The following PRAMEF14 variants were observed in gnomAD, a reference collection of about 807,000 sequenced individuals.
PRAMEF14 encodes PRAME family member 14.
In PRAMEF14, 24 loss-of-function variants were observed where a neutral mutation model predicts 38.3. The observed-to-expected ratio is 0.63, with a 90% CI of 0.45 to 0.88. The LOEUF (loss-of-function observed/expected upper bound fraction) is 0.88. PRAMEF14 is among the 40% of genes least tolerant of loss of function. The pLI is 0.00. For synonymous variants in PRAMEF14, 194 were observed against 226.4 expected (o/e 0.86, Z 1.29); for missense variants, 477 against 570.8 (o/e 0.84, Z 1.67).
In PRAMEF14 at chr1:13,344,924, A is replaced by G. The variant is rs1640381471; in HGVS notation, c.287+104T>C. The G allele has an allele frequency of 1.2e-5, 18 of 1,548,848 alleles. No homozygotes were observed. In the South Asian group the frequency reaches 1.8e-4, roughly 15 times the overall value. On this transcript the variant is annotated intron_variant, in intron 2 of 3. Coordinates refer to ENST00000334600, the MANE Select transcript of PRAMEF14 (RefSeq NM_001024661.2). ...CTCCCTGATCTTCCTCGCCAACACC[A>G]TCAGAAGACTCTGGGCCACACTTGG...
In PRAMEF14 at chr1:13,344,273, C is replaced by A; in HGVS notation, c.631G>T (p.Glu211Ter). The A allele has an allele frequency of 1.2e-6, 2 of 1,606,010 alleles. No individual in the cohort carries two copies. The highest frequency in any genetic ancestry group is 1.7e-6 in the Non-Finnish European group (2 of 1,176,994). Residue 211 changes from glutamate to a stop codon, truncating the protein, a stop_gained, in exon 3 of 4, where the codon GAA (glutamate) becomes TAA (stop). Coordinates refer to ENST00000334600, the MANE Select transcript of PRAMEF14 (RefSeq NM_001024661.2). LOFTEE classifies it high-confidence loss of function. ...IIYLNSIQQL[E>*]IRNMSWPRLI... The stretch of plus-strand genomic sequence containing the variant: ...CGTGGCCAGGACATGTTGCGAATTT[C>A]CAGCTGTTGAATACTATTCAGGTAT...
chr1:13,343,850 A>C (rs1266556906), intron 3 of PRAMEF14, 188 bp downstream of exon 3: 1 of 1,502,750 alleles, frequency 6.7e-7, no homozygotes, highest in Non-Finnish European at 8.9e-7. Context: ...CTCTGCCCTT[A>C]TTGGAGCGTT....
chr1:13,343,975 G>C, intron 3 of PRAMEF14, 63 bp downstream of exon 3: 2 of 1,602,010 alleles, frequency 1.2e-6, no homozygotes, highest in Non-Finnish European at 1.7e-6. Context: ...GCCTTCTAAT[G>C]TTTGCTGTAA....
intron 1 of PRAMEF14, among the ~76,000 whole-genome samples, chr1:13,346,196 T>C (rs1191981298): frequency 1.3e-5 from 2 of 150,646 alleles, no homozygotes; most frequent in African/African-American, 2.4e-5. Context: ...TCCACAGCAT[T>C]TGGAAGGTAT....
intron 2 of PRAMEF14, 84 bp downstream of exon 2, chr1:13,344,944 A>G (rs1287242392): frequency 6.6e-7 from 1 of 1,523,252 alleles, no homozygotes; most frequent in Non-Finnish European, 9.0e-7. Context: ...TCTGGGCCAC[A>G]CTTGGGCTAC....
chr1:13,344,925 T>C (rs1437993818), intron 2 of PRAMEF14, 103 bp downstream of exon 2: 19 of 1,548,538 alleles, frequency 1.2e-5, no homozygotes, highest in Non-Finnish European at 1.7e-5. Flanking sequence ...GCCAACACCA[T>C]CAGAAGACTC....
chr1:13,346,105 A>C (rs1640400527), intron 1 of PRAMEF14, among the ~76,000 whole-genome samples: 1 of 151,090 alleles, frequency 6.6e-6, no homozygotes, highest in African/African-American at 2.4e-5. Context: ...CCTGCACTCC[A>C]GTCTGGGTGA....
chr1:13,342,659 G>A lies in PRAMEF14; in HGVS notation c.1294C>T (p.Leu432=), dbSNP rs547328194. The A allele has an allele frequency of 1.2e-6, 2 of 1,605,206 alleles. No homozygotes were observed. Among genetic ancestry groups the A allele is most frequent in the South Asian group, 1.1e-5 (1 of 90,522 alleles). Residue 432 remains leucine (L), a synonymous_variant, in exon 4 of 4, where the codon CTA becomes TTA. Transcript: ENST00000334600. The part of the protein sequence containing the change: ...LVRVDWEIFA[L]LRAELMCTLR... ...GTACACATCAGCTCAGCCCGAAGTA[G>A]GGCGAAGATCTCCCAATCGACACGA...
At chr1:13,343,704 T>C (rs1391946716) in intron 3 of PRAMEF14, 12 of 1,350,736 alleles carry the variant, frequency 8.9e-6, no homozygotes, top group Non-Finnish European at 9.8e-6. Context: ...CCCTCCTCTA[T>C]TATCTCTTTG....
rs1640334575 is a variant in PRAMEF14 at position 13,342,087 on chromosome 1, G to C, written c.*441C>G. On this transcript the variant is annotated 3_prime_UTR_variant, in exon 4 of 4. Transcript: ENST00000334600. ...TATTCCTTGGTAACCATCCTTGCAGGGATAACATTCTCATCACTGTAGAAC... is the reference window on the plus strand; with the variant it reads ...TATTCCTTGGTAACCATCCTTGCAGCGATAACATTCTCATCACTGTAGAAC... 5.7e-6 allele frequency: 1 copy of C among 176,334 alleles called. No individual in the cohort carries two copies. The highest frequency in any genetic ancestry group is 1.2e-5 in the Non-Finnish European group (1 of 82,042). 10.9% of individuals were successfully genotyped at this position (176,334 alleles called of 1,614,324 possible). A position where few individuals can be genotyped will look rare whatever the true frequency, so the allele number is the denominator to read the frequency against.
chr1:13,342,377 C>T lies in PRAMEF14; in HGVS notation c.*151G>A. ...CCAGAGCAACACAGAGAAACCCTGT[C>T]TCAAATTGTCTTTAATAAAAATTTT... On this transcript the variant is annotated 3_prime_UTR_variant, in exon 4 of 4. Coordinates refer to ENST00000334600, the MANE Select transcript of PRAMEF14 (RefSeq NM_001024661.2). 2.3e-6 allele frequency: 3 copies of T among 1,305,568 alleles called. No individual in the cohort carries two copies. The highest frequency in any genetic ancestry group is 3.1e-6 in the Non-Finnish European group (3 of 977,230). 80.9% of individuals were successfully genotyped at this position (1,305,568 alleles called of 1,614,324 possible).
Position 13,342,737 on chromosome 1 carries a change from T to G in PRAMEF14, c.1216A>C (p.Lys406Gln). 1 of 1,604,504 alleles carries G rather than the reference T, an allele frequency of 6.2e-7. No individual in the cohort carries two copies. The highest frequency in any genetic ancestry group is 8.5e-7 in the Non-Finnish European group (1 of 1,177,466). ...GCAGGATACGTCTCCAGGCTTAACT[T>G]GCTCAGCCCACTGGTGTGGCACAAC... ...DLLCHTSGLS[K>Q]LSLETYPAPE... The change falls in exon 4 of 4, where the codon AAG (lysine) becomes CAG (glutamine). Residue 406 changes from lysine (K) to glutamine (Q), a missense_variant. This residue lies in a region of PRAMEF14 where 151 missense variants were observed against 137.4 expected (regional missense o/e 1.10). Coordinates refer to ENST00000334600, the MANE Select transcript of PRAMEF14 (RefSeq NM_001024661.2).
chr1:13,344,039 T>G lies in PRAMEF14; in HGVS notation c.865A>C (p.Arg289=). ...FFSGHLEQLI[R]CLQNPLENLE... Reference sequence around the variant, plus strand: ...ATAAAGTGCATGATCCTTCCTCACCTGATCAGCTGTTCCAGGTGCCCACTG... The same window carrying G: ...ATAAAGTGCATGATCCTTCCTCACCGGATCAGCTGTTCCAGGTGCCCACTG... Residue 289 remains arginine, a splice_region_variant and synonymous_variant, in exon 3 of 4, where the codon AGG becomes CGG. Transcript: ENST00000334600. 1.2e-6 allele frequency: 2 copies of G among 1,608,538 alleles called. No homozygotes were observed. Among genetic ancestry groups the G allele is most frequent in the Non-Finnish European group, 1.7e-6 (2 of 1,178,572 alleles).
Position 13,342,940 on chromosome 1 carries a change from T to A in PRAMEF14, c.1013A>T (p.Glu338Val). 6.2e-7 allele frequency: 1 copy of A among 1,608,266 alleles called. No individual in the cohort carries two copies. Among genetic ancestry groups the A allele is most frequent in the Non-Finnish European group, 8.5e-7 (1 of 1,178,202 alleles). Residue 338 changes from glutamate to valine, a missense_variant, in exon 4 of 4, where the codon GAA (glutamate) becomes GTA (valine). Physicochemically the swap from Glu to Val is moderately radical, Grantham distance 121. Around this residue, in one of 4 missense-constraint regions of PRAMEF14, gnomAD observed 34 missense variants for 66.1 expected, o/e 0.51. Coordinates refer to ENST00000334600, the MANE Select transcript of PRAMEF14 (RefSeq NM_001024661.2). Reference protein sequence around the residue: ...SYVLLFRISLEPLGALLEKIA... With the variant: ...SYVLLFRISLVPLGALLEKIA... ...TTTCTCTAGCAGAGCTCCGAGGGGT[T>A]CAAGACTGATGCGGAACAGCAGCAC...
At chr1:13,346,930 G>A (rs1414948156) in intron 1 of PRAMEF14, 127 bp downstream of exon 1, 21 of 149,772 alleles carry the variant, frequency 1.4e-4, no homozygotes, top group African/African-American at 4.6e-4. Flanking sequence ...AAAAATGAAA[G>A]CCTAAATCTG....
Position 13,342,704 on chromosome 1 carries a change from C to G in PRAMEF14, c.1249G>C (p.Glu417Gln). Reference protein sequence around the residue: ...LSLETYPAPEESLNSLVRVDW... With the variant: ...LSLETYPAPEQSLNSLVRVDW... ...ACACGAACCAAGGAATTCAAACTCT[C>G]CTCAGGGGCAGGATACGTCTCCAGG... The change falls in exon 4 of 4, where the codon GAG becomes CAG. Residue 417 changes from glutamate to glutamine, a missense_variant. Physicochemically the swap from Glu to Gln is conservative, Grantham distance 29 (BLOSUM62 2). Transcript: ENST00000334600. The G allele has an allele frequency of 6.2e-7, 1 of 1,605,288 alleles. No homozygotes were observed. Among genetic ancestry groups the G allele is most frequent in the Non-Finnish European group, 8.5e-7 (1 of 1,178,064 alleles).
chr1:13,343,657 A>T lies in PRAMEF14; in HGVS notation c.866+381T>A, dbSNP rs1292032767. ...CGGTGAGGACAGACGTTCTATTGTG[A>T]AATGGACAGGTTTGATGCGCTTTCC... On this transcript the variant is annotated intron_variant, in intron 3 of 3. Transcript: ENST00000334600. 5.2e-4 allele frequency: 701 copies of T among 1,336,744 alleles called. 17 individuals carry two copies. The African/African-American group carries it at 9.4e-3, about 18-fold the overall frequency. 82.8% of individuals were successfully genotyped at this position (1,336,744 alleles called of 1,614,324 possible).
Position 13,344,551 on chromosome 1 carries a change from C to T in PRAMEF14, c.353G>A (p.Gly118Glu). 1.9e-6 allele frequency: 3 copies of T among 1,605,294 alleles called. No individual in the cohort carries two copies. The Admixed American group carries it at 5.0e-5, about 27-fold the overall frequency. Residue 118 changes from glycine (G) to glutamate (E), a missense_variant, in exon 3 of 4, where the codon GGA (glycine) becomes GAA (glutamate). Transcript: ENST00000334600. ...VDENFWARWP[G>E]AWALSCFPET... is the part of the protein sequence containing the mutation. ...TGGGAAGCAGGACAGGGCCCAGGCT[C>T]CAGGCCATCTGGCCCAGAAATTCTC... is the stretch of plus-strand genomic sequence containing the variant.
rs1640371896 is a variant in PRAMEF14 at position 13,344,296 on chromosome 1, T to C, written c.608A>G (p.Tyr203Cys). The change falls in exon 3 of 4, where the codon TAC becomes TGC. Residue 203 changes from tyrosine (Y) to cysteine (C), a missense_variant. Tyr to Cys is a radical substitution (Grantham distance 194, BLOSUM62 -2). Transcript: ENST00000334600. ...TTCCAGCTGTTGAATACTATTCAGG[T>C]ATATTATTTTCAATGACTTTCTGAG... is the stretch of plus-strand genomic sequence containing the variant. ...KHLRKSLKII[Y>C]LNSIQQLEIR... The C allele has an allele frequency of 3.7e-6, 6 of 1,606,406 alleles. No homozygotes were observed. In the East Asian group the frequency reaches 7.1e-5, roughly 19 times the overall value.
Sources: allele counts gnomAD v4.1 joint callset (sites outside exome capture counted in the v4.1 genomes callset), GRCh38; gene constraint gnomAD v4.1.1; regional missense constraint gnomAD v4.1.1; transcripts MANE v1.5; gene names NCBI Gene and HGNC (gene_info 2026-07-23, HGNC 2026-07-21).